TAFA5: variants seen among roughly 807,000 people sequenced by gnomAD.
TAFA5 encodes the protein chemokine-like protein TAFA-5.
TAFA5 carries 6 observed loss-of-function variants against 15.3 expected under a neutral mutation model. That is an observed-to-expected ratio of 0.39 (90% CI 0.21 to 0.77). The LOEUF is 0.77. Ranked by LOEUF, TAFA5 falls within the 30% of genes least tolerant of loss-of-function variation. The pLI is 0.41. For synonymous variants in TAFA5, 103 were observed against 80.7 expected, an observed-to-expected ratio of 1.28 and a Z score of -1.48; for missense variants, 161 against 193.1, an observed-to-expected ratio of 0.83 and a Z score of 0.98.
intron 1 of TAFA5, among the ~76,000 whole-genome samples, chr22:48,637,421 C>T (rs1926490114): frequency 1.3e-5 from 2 of 152,306 alleles, no homozygotes; most frequent in African/African-American, 4.8e-5. Flanking sequence ...GCTAACGCCT[C>T]CTCGCCTGTC....
chr22:48,658,953 C>T (rs1232145566), intron 2 of TAFA5, among the ~76,000 whole-genome samples: 3 of 152,136 alleles, frequency 2.0e-5, no homozygotes, highest in African/African-American at 4.8e-5. Context: ...CCAAAGAGGT[C>T]GTGTAAGAGG....
intron 1 of TAFA5, among the ~76,000 whole-genome samples, chr22:48,618,646 G>C (rs541018513): frequency 6.6e-6 from 1 of 152,202 alleles, no homozygotes; most frequent in South Asian, 2.1e-4. Flanking sequence ...CCGCAGCTCC[G>C]TCTGGGAGGT....
chr22:48,623,160 G>A (rs1394327970), intron 1 of TAFA5, among the ~76,000 whole-genome samples: 1 of 152,238 alleles, frequency 6.6e-6, no homozygotes, highest in Admixed American at 6.5e-5. Context: ...ATGCCCTGAC[G>A]GCGGTGGGAT....
intron 1 of TAFA5, among the ~76,000 whole-genome samples, chr22:48,615,056 CA>C (rs1236951919): frequency 6.6e-6 from 1 of 152,152 alleles, no homozygotes; most frequent in Non-Finnish European, 1.5e-5. Context: ...CAACCACAAC[CA>C]GATTCTAGGA....
At chr22:48,572,776 C>A (rs1236760650) in intron 1 of TAFA5, among the ~76,000 whole-genome samples, 1 of 152,188 alleles carries the variant, frequency 6.6e-6, no homozygotes, top group African/African-American at 2.4e-5. Context: ...GAACACATTA[C>A]ATACAAAGTC....
At chr22:48,660,857 C>G (rs1023904298) in intron 2 of TAFA5, among the ~76,000 whole-genome samples, 1 of 152,136 alleles carries the variant, frequency 6.6e-6, no homozygotes, top group Non-Finnish European at 1.5e-5. Context: ...ACTCTCAGAG[C>G]TCCTGGCCCT....
chr22:48,596,297 C>T lies in TAFA5; in HGVS notation c.113-50300C>T, dbSNP rs566220045. On this transcript the variant is annotated intron_variant, in intron 1 of 3. Coordinates refer to ENST00000402357, the MANE Select transcript of TAFA5 (RefSeq NM_001082967.3). ...GGTTTCTGTTGACCACGCTGTGCCT[C>T]CACGGCCCGTGTGTCTGGGTCTGGG... 2.8e-4 allele frequency among the ~76,000 whole-genome samples: 42 copies of T among 152,310 alleles called. 1 individual carries two copies. Among genetic ancestry groups the T allele is most frequent in the African/African-American group, 9.1e-4 (38 of 41,568 alleles).
At chr22:48,542,671 T>TGGTGTGTG (rs1922496117) in intron 1 of TAFA5, among the ~76,000 whole-genome samples, 1 of 132,872 alleles carries the variant, frequency 7.5e-6, no homozygotes, top group Non-Finnish European at 1.6e-5. Flanking sequence ...GGTGTGTGTG[T>TGGTGTGTG]GATGTTTGTG....
At chr22:48,653,651 G>T (rs149065707) in intron 2 of TAFA5, among the ~76,000 whole-genome samples, 1 of 152,200 alleles carries the variant, frequency 6.6e-6, no homozygotes, top group Non-Finnish European at 1.5e-5. Context: ...TCCAGATCTC[G>T]GTGCGTTTAA....
intron 3 of TAFA5, among the ~76,000 whole-genome samples, chr22:48,748,431 C>T (rs1318715519): frequency 1.3e-5 from 2 of 152,206 alleles, no homozygotes; most frequent in African/African-American, 2.4e-5. Flanking sequence ...TGACCCAGGC[C>T]ACAAGTGTCC....
At chr22:48,555,090 C>A (rs1243485491) in intron 1 of TAFA5, among the ~76,000 whole-genome samples, 2 of 152,228 alleles carry the variant, frequency 1.3e-5, no homozygotes, top group Admixed American at 6.5e-5. Context: ...TGCAGGGCCA[C>A]CCAGTCCTGG....
intron 3 of TAFA5, among the ~76,000 whole-genome samples, chr22:48,719,576 GC>G (rs34782713): frequency 0.26 from 40,012 of 152,080 alleles, 5,584 homozygotes; most frequent in Admixed American, 0.36. Context: ...CCTCAGGACT[GC>G]CCCCCCTGCA....
At chr22:48,748,429 G>A (rs561093278) in intron 3 of TAFA5, among the ~76,000 whole-genome samples, 1 of 152,342 alleles carries the variant, frequency 6.6e-6, no homozygotes, top group Non-Finnish European at 1.5e-5. Flanking sequence ...TGTGACCCAG[G>A]CCACAAGTGT....
intron 2 of TAFA5, among the ~76,000 whole-genome samples, chr22:48,655,837 T>G (rs1237254046): frequency 8.2e-6 from 1 of 121,928 alleles, no homozygotes; most frequent in Non-Finnish European, 1.7e-5. Flanking sequence ...ATTCTTTTTT[T>G]TTTTTTTTTT....
At chr22:48,652,108 G>A (rs528342003) in intron 2 of TAFA5, among the ~76,000 whole-genome samples, 48 of 152,356 alleles carry the variant, frequency 3.2e-4, no homozygotes, top group African/African-American at 8.9e-4. Context: ...GGCACAGCGC[G>A]TCATCTCCAC....
At chr22:48,573,609 C>T (rs1466174875) in intron 1 of TAFA5, among the ~76,000 whole-genome samples, 1 of 152,224 alleles carries the variant, frequency 6.6e-6, no homozygotes, top group African/African-American at 2.4e-5. Flanking sequence ...CATGCATTTA[C>T]TAACAGGAAG....
intron 3 of TAFA5, among the ~76,000 whole-genome samples, chr22:48,728,022 C>T (rs189297819): frequency 6.6e-6 from 1 of 152,268 alleles, no homozygotes; most frequent in Admixed American, 6.5e-5. Context: ...GTAAACACCA[C>T]CAATAACAAC....
rs75330836 is a variant in TAFA5 at position 48,642,610 on chromosome 22, G to T, written c.113-3987G>T. Among the ~76,000 whole-genome samples the T allele has an allele frequency of 2.1e-3, 315 of 152,276 alleles. 6 individuals are homozygous for T. In the East Asian group the frequency reaches 0.052, roughly 25 times the overall value. On this transcript the variant is annotated intron_variant, in intron 1 of 3. Transcript: ENST00000402357. ...ACCCCTCCCCAAAGGCCTCACAGTG[G>T]GCAGAGATTGGGGTGTGTGGGAGTG... is the stretch of plus-strand genomic sequence containing the variant.
intron 1 of TAFA5, among the ~76,000 whole-genome samples, chr22:48,619,020 A>G (rs558108174): frequency 1.3e-5 from 2 of 152,346 alleles, no homozygotes; most frequent in African/African-American, 4.8e-5. Flanking sequence ...TTGCTGAGGG[A>G]AGAAGGAGTG....
Sources: allele counts gnomAD v4.1 joint callset (sites outside exome capture counted in the v4.1 genomes callset), GRCh38; gene constraint gnomAD v4.1.1; transcripts MANE v1.5; gene names NCBI Gene and HGNC (gene_info 2026-07-23, HGNC 2026-07-21).